The following ZBTB16 variants were observed in gnomAD, a reference collection of about 807,000 sequenced individuals.
ZBTB16 encodes zinc finger and BTB domain-containing protein 16.
Under a neutral mutation model 56.8 loss-of-function variants are expected in ZBTB16, and 8 were observed. The ratio of observed to expected loss-of-function variants is 0.14; its 90% CI spans 0.08 to 0.25. The LOEUF (loss-of-function observed/expected upper bound fraction) is 0.25, where lower values mean the gene tolerates loss of function less well. Among genes scored for constraint, ZBTB16 ranks in the 10% least tolerant of loss-of-function variants. The pLI, the probability that ZBTB16 is intolerant of heterozygous loss-of-function variation, is 1.00. For missense variants in ZBTB16, 625 were observed against 903.0 expected (o/e 0.69, Z 3.95); for synonymous variants, 363 against 368.5 (o/e 0.98, Z 0.17).
In ZBTB16 at chr11:114,256,562, G is replaced by A. The variant is rs759194866; in HGVS notation, c.*6007G>A. On this transcript the variant is annotated 3_prime_UTR_variant, in exon 7 of 7. Transcript: ENST00000335953. ...AGTCTTTAGAGAGACATTTTCAACT[G>A]ACTCCTTAGTGGCTAAGCAAGCTTC... 7.9e-5 allele frequency among the ~76,000 whole-genome samples: 12 copies of A among 152,178 alleles called. No individual in the cohort carries two copies. The highest frequency in any genetic ancestry group is 1.5e-4 in the Non-Finnish European group (10 of 68,034).
chr11:114,111,365 G>T (rs1940999684), intron 2 of ZBTB16, among the ~76,000 whole-genome samples: 1 of 152,106 alleles, frequency 6.6e-6, no homozygotes, highest in African/African-American at 2.4e-5. Context: ...TCCTTAGATG[G>T]TTTATTTCTT....
rs1555163208 is a variant in ZBTB16, at chr11:114,256,029, T to TTG, written c.*5475_*5476insGT. ...AGTACTTGGTTTTGTTTTGTTTTTT[T>TTG]TTTTTGTTTTTTTTGCCTTTTCTTG... On this transcript the variant is annotated 3_prime_UTR_variant, in exon 7 of 7. Transcript: ENST00000335953. 8.4e-6 allele frequency among the ~76,000 whole-genome samples: 1 copy of TTG among 119,394 alleles called. No individual in the cohort carries two copies. Among genetic ancestry groups the TTG allele is most frequent in the Non-Finnish European group, 1.8e-5 (1 of 54,486 alleles). 78.3% of individuals were successfully genotyped at this position (119,394 alleles called of 152,430 possible). A position where few individuals can be genotyped will look rare whatever the true frequency, so the allele number is the denominator to read the frequency against.
At chr11:114,122,892 G>T (rs1941383199) in intron 2 of ZBTB16, among the ~76,000 whole-genome samples, 1 of 152,124 alleles carries the variant, frequency 6.6e-6, no homozygotes, top group African/African-American at 2.4e-5. Flanking sequence ...GTCTGCTCAG[G>T]CTGTCATAAC....
intron 4 of ZBTB16, among the ~76,000 whole-genome samples, chr11:114,219,185 G>A (rs954338535): frequency 6.6e-6 from 1 of 152,206 alleles, no homozygotes; most frequent in South Asian, 2.1e-4. Context: ...GTGGGAACCA[G>A]GGTAGGGAAG....
chr11:114,063,611 A>G lies in ZBTB16; in HGVS notation c.311A>G (p.Tyr104Cys), dbSNP rs1489471637. The G allele has an allele frequency of 6.2e-7, 1 of 1,614,202 alleles. No homozygotes were observed. Among genetic ancestry groups the G allele is most frequent in the Non-Finnish European group, 8.5e-7 (1 of 1,180,042 alleles). The change falls in exon 2 of 7, where the codon TAT (tyrosine) becomes TGT (cysteine). Residue 104 changes from tyrosine to cysteine, a missense_variant. By Grantham distance (194) the Tyr-to-Cys change is radical (BLOSUM62 -2). Transcript: ENST00000335953. The surrounding 1 kb of genome is among the most constrained non-coding windows in gnomAD (Gnocchi z 6.5). ...AKAEDLDDLL[Y>C]AAEILEIEYL... ...GCGGAGGACCTGGATGACCTGCTGT[A>G]TGCGGCCGAGATCCTGGAGATCGAG... is the stretch of plus-strand genomic sequence containing the variant.
chr11:114,210,190 T>TGCGCGC (rs1348287902), intron 4 of ZBTB16, among the ~76,000 whole-genome samples: 1 of 131,510 alleles, frequency 7.6e-6, no homozygotes, highest in Non-Finnish European at 1.7e-5. Context: ...TGTGTGTGTG[T>TGCGCGC]GTGCGTGCGC....
intron 3 of ZBTB16, among the ~76,000 whole-genome samples, chr11:114,181,644 G>A (rs1943251620): frequency 6.6e-6 from 1 of 152,198 alleles, no homozygotes; most frequent in South Asian, 2.1e-4. Context: ...TCATCAAGGT[G>A]TGATGACTAG....
intron 2 of ZBTB16, among the ~76,000 whole-genome samples, chr11:114,109,672 G>C (rs890242010): frequency 6.6e-6 from 1 of 151,510 alleles, no homozygotes; most frequent in Non-Finnish European, 1.5e-5. Flanking sequence ...GGGGGTGGGG[G>C]AGATAGGAAA....
At chr11:114,129,766 A>G (rs1941612058) in intron 2 of ZBTB16, among the ~76,000 whole-genome samples, 2 of 152,220 alleles carry the variant, frequency 1.3e-5, no homozygotes, top group Admixed American at 1.3e-4. Context: ...TCCTACATAC[A>G]GTAATTGTTG....
chr11:114,214,706 C>G (rs1030485633), intron 4 of ZBTB16, among the ~76,000 whole-genome samples: 7 of 152,110 alleles, frequency 4.6e-5, no homozygotes, highest in African/African-American at 1.7e-4. Context: ...CGGGTTCAAG[C>G]GATTCTCATA....
chr11:114,180,313 G>A (rs1050206502), intron 3 of ZBTB16, among the ~76,000 whole-genome samples: 5 of 152,158 alleles, frequency 3.3e-5, no homozygotes, highest in Admixed American at 3.3e-4. Flanking sequence ...AAGGATGTCC[G>A]CCTGTCTCTT....
chr11:114,245,683 G>A (rs911736191), intron 5 of ZBTB16, among the ~76,000 whole-genome samples: 3 of 152,168 alleles, frequency 2.0e-5, no homozygotes, highest in South Asian at 2.1e-4. Flanking sequence ...AGGCACGAGC[G>A]CAGTTTGACA....
At chr11:114,171,458 C>G (rs1205766405) in intron 3 of ZBTB16, among the ~76,000 whole-genome samples, 1 of 152,222 alleles carries the variant, frequency 6.6e-6, no homozygotes, top group Non-Finnish European at 1.5e-5. Context: ...TGGGGCCTTG[C>G]CAAGCTGAAC....
intron 4 of ZBTB16, among the ~76,000 whole-genome samples, chr11:114,201,416 C>G (rs557156824): frequency 6.6e-6 from 1 of 152,276 alleles, no homozygotes; most frequent in East Asian, 1.9e-4. Flanking sequence ...GGACCAGTGT[C>G]TCAACCACCG....
chr11:114,143,080 T>TG lies in ZBTB16; in HGVS notation c.1269-13256dup, dbSNP rs1458786988. ...TCTGCTGCCTTGGTGAGCGTGGGCT[T>TG]GCTCCCACCTACTCTCCCAGGTTCC... On this transcript the variant is annotated intron_variant, in intron 2 of 6. Transcript: ENST00000335953. This position sits in a 1 kb window ranked among gnomAD's most constrained non-coding sequence, Gnocchi z 6.4. 6.6e-6 allele frequency among the ~76,000 whole-genome samples: 1 copy of TG among 152,152 alleles called. No individual in the cohort carries two copies. Among genetic ancestry groups the TG allele is most frequent in the African/African-American group, 2.4e-5 (1 of 41,430 alleles).
chr11:114,164,097 T>G (rs1005266926), intron 3 of ZBTB16, among the ~76,000 whole-genome samples: 1 of 152,164 alleles, frequency 6.6e-6, no homozygotes, highest in African/African-American at 2.4e-5. Flanking sequence ...GGAGGCTGTT[T>G]GGAGTTTTAT....
intron 2 of ZBTB16, among the ~76,000 whole-genome samples, chr11:114,112,086 T>A (rs1399135357): frequency 6.6e-6 from 1 of 152,218 alleles, no homozygotes; most frequent in Admixed American, 6.5e-5. Flanking sequence ...GAGGAAAAGA[T>A]GTGTAAATTT....
intron 3 of ZBTB16, among the ~76,000 whole-genome samples, chr11:114,166,201 C>CGTGTGTGTGTGTGTGTGT (rs3057730): frequency 1.5e-5 from 2 of 134,074 alleles, no homozygotes; most frequent in Admixed American, 7.4e-5. Flanking sequence ...GACTGGTCTA[C>CGTGTGTGTGTGTGTGTGT]GTGTGTGTGT....
chr11:114,202,469 T>A (rs1295401384), intron 4 of ZBTB16, among the ~76,000 whole-genome samples: 1 of 152,200 alleles, frequency 6.6e-6, no homozygotes, highest in East Asian at 1.9e-4. Flanking sequence ...GCCTTCTGTG[T>A]GACCTGGGCG....
Sources: gnomAD v4.1 joint callset for allele counts (sites outside exome capture counted in the v4.1 genomes callset) on GRCh38, gnomAD v4.1.1 for gene constraint, Gnocchi (gnomAD v3.1) non-coding constraint, MANE v1.5 for transcripts, NCBI Gene and HGNC (gene_info 2026-07-23, HGNC 2026-07-21) for gene names.